The following SAMMSON variants were observed in gnomAD, a reference collection of about 807,000 sequenced individuals.
SAMMSON encodes the protein long intergenic non-protein coding RNA 1212.
At chr3:70,393,443 A>T (rs1010148301), downstream of SAMMSON, among the ~76,000 whole-genome samples, 4 of 152,204 alleles carry the variant, frequency 2.6e-5, no homozygotes, top group African/African-American at 7.2e-5. Context: ...TCACTTGTTT[A>T]TGAATTCATT....
At chr3:70,182,636 C>T (rs74644345) in intron 4 of SAMMSON, among the ~76,000 whole-genome samples, 160 of 152,252 alleles carry the variant, frequency 1.1e-3, no homozygotes, top group Non-Finnish European at 1.7e-3. Context: ...TAATTTACAG[C>T]GAGGCCCCCA....
chr3:70,337,062 TAATAATATCTAACTTAATATTCTTATTAA>T (rs1559566724), intron 7 of SAMMSON, among the ~76,000 whole-genome samples: 16 of 81,382 alleles, frequency 2.0e-4, no homozygotes, highest in African/African-American at 4.5e-4. Context: ...TTATTATTAA[TAATAATATCTAACTTAATATTCTTATTAA>T]TAATAATATC....
chr3:70,347,416 A>G (rs1352759045), intron 7 of SAMMSON, among the ~76,000 whole-genome samples: 1 of 151,486 alleles, frequency 6.6e-6, no homozygotes, highest in African/African-American at 2.4e-5. Context: ...TTCAAGCCAT[A>G]GTAATTTTTC....
chr3:70,267,301 C>G, intron 6 of SAMMSON, among the ~76,000 whole-genome samples: 1 of 149,520 alleles, frequency 6.7e-6, no homozygotes, highest in African/African-American at 2.4e-5. Flanking sequence ...CTACCATATT[C>G]TAAAAAATAT....
intron 4 of SAMMSON, among the ~76,000 whole-genome samples, chr3:70,104,263 G>A (rs577048171): frequency 2.7e-5 from 4 of 149,272 alleles, no homozygotes; most frequent in East Asian, 3.9e-4. Flanking sequence ...GCAAAACCTC[G>A]TGTTTTTTTT....
At chr3:70,417,341 A>T (rs1376904045) in intron 2 of SAMMSON, among the ~76,000 whole-genome samples, 1 of 152,146 alleles carries the variant, frequency 6.6e-6, no homozygotes, top group African/African-American at 2.4e-5. Flanking sequence ...ATGTTAAACC[A>T]TCCTTGTATG....
intron 4 of SAMMSON, among the ~76,000 whole-genome samples, chr3:70,238,675 AG>A (rs1396418393): frequency 6.6e-6 from 1 of 152,062 alleles, no homozygotes; most frequent in Non-Finnish European, 1.5e-5. Context: ...AAGAAAGTAA[AG>A]GCAGGGCACT....
At chr3:70,403,549 C>G (rs1452148453) in intron 2 of SAMMSON, among the ~76,000 whole-genome samples, 2 of 152,156 alleles carry the variant, frequency 1.3e-5, no homozygotes, top group Non-Finnish European at 1.5e-5. Flanking sequence ...GCGTTGCGAT[C>G]TTTTGTGTAA....
intron 7 of SAMMSON, among the ~76,000 whole-genome samples, chr3:70,306,457 CT>C: frequency 6.6e-6 from 1 of 152,264 alleles, no homozygotes; most frequent in Non-Finnish European, 1.5e-5. Context: ...CATGTGACTG[CT>C]TACAGAAAAG....
At chr3:70,194,705 T>C (rs1701159140) in intron 4 of SAMMSON, among the ~76,000 whole-genome samples, 1 of 152,162 alleles carries the variant, frequency 6.6e-6, no homozygotes, top group African/African-American at 2.4e-5. Context: ...TCAATTCACA[T>C]TTGAAATGCA....
chr3:70,199,111 A>G (rs891039747), intron 4 of SAMMSON, among the ~76,000 whole-genome samples: 7 of 152,214 alleles, frequency 4.6e-5, no homozygotes, highest in African/African-American at 1.7e-4. Flanking sequence ...GCTTATGACC[A>G]TATAAAAATG....
At chr3:70,095,005 A>G (rs2067318430) in intron 4 of SAMMSON, 1 of 152,244 alleles carries the variant, frequency 6.6e-6, no homozygotes, top group Non-Finnish European at 1.5e-5. Flanking sequence ...AGATTTTCTA[A>G]TTTGCAATTG....
chr3:70,246,756 T>C (rs758660655), intron 4 of SAMMSON, among the ~76,000 whole-genome samples: 59 of 152,038 alleles, frequency 3.9e-4, no homozygotes, highest in Admixed American at 2.6e-4. Context: ...TGTGTATTCT[T>C]TATAAAGTAG....
At chr3:70,181,368 G>A (rs1431976908) in intron 4 of SAMMSON, among the ~76,000 whole-genome samples, 6 of 152,200 alleles carry the variant, frequency 3.9e-5, no homozygotes, top group African/African-American at 1.4e-4. Context: ...TGCAAGTGTG[G>A]TTTTTCTTGC....
chr3:70,172,314 G>A (rs552883142), intron 4 of SAMMSON: 1 of 148,962 alleles, frequency 6.7e-6, no homozygotes, highest in African/African-American at 2.5e-5. Flanking sequence ...TCTCATGTTG[G>A]CCATGGGGTA....
intron 4 of SAMMSON, among the ~76,000 whole-genome samples, chr3:70,226,968 G>T (rs568400169): frequency 9.2e-5 from 14 of 152,202 alleles, no homozygotes; most frequent in African/African-American, 3.4e-4. Context: ...CAATGGAGAG[G>T]CACTGGAGCA....
chr3:70,101,420 G>A (rs553290431), intron 4 of SAMMSON, among the ~76,000 whole-genome samples: 9 of 151,986 alleles, frequency 5.9e-5, no homozygotes, highest in South Asian at 4.2e-4. Flanking sequence ...TACAAGAATT[G>A]CATTATAAGA....
At chr3:70,184,792 TC>T (rs1195466453) in intron 4 of SAMMSON, among the ~76,000 whole-genome samples, 3 of 152,178 alleles carry the variant, frequency 2.0e-5, no homozygotes, top group African/African-American at 7.2e-5. Context: ...TTGGGAAGAA[TC>T]CTGAAACAGA....
chr3:70,113,508 ATTATT>A (rs2067398206), intron 4 of SAMMSON, among the ~76,000 whole-genome samples: 1 of 152,192 alleles, frequency 6.6e-6, no homozygotes, highest in Non-Finnish European at 1.5e-5. Context: ...TGAAGACACT[ATTATT>A]TTTATTTTAT....
Sources: gnomAD v4.1 joint callset for allele counts (sites outside exome capture counted in the v4.1 genomes callset) on GRCh38, gnomAD v4.1.1 for gene constraint, MANE v1.5 for transcripts, NCBI Gene and HGNC (gene_info 2026-07-23, HGNC 2026-07-21) for gene names.